The following SLCO2B1 variants were observed in gnomAD, a reference collection of about 807,000 sequenced individuals.
The protein encoded by SLCO2B1 is OATP-RP2.
Under a neutral mutation model 67.3 loss-of-function variants are expected in SLCO2B1, and 41 were observed. The observed-to-expected ratio is 0.61, with a 90% CI of 0.47 to 0.79. SLCO2B1 has a LOEUF of 0.79. Ranked by LOEUF, SLCO2B1 falls within the 30% of genes least tolerant of loss-of-function variation. The pLI is 0.00. For missense variants in SLCO2B1, 837 were observed against 920.1 expected (o/e 0.91, Z 1.17); for synonymous variants, 379 against 381.4 (o/e 0.99, Z 0.07).
rs192050675 is a variant in SLCO2B1 at position 75,204,448 on chromosome 11, C to A, written c.1998C>A (p.Phe666Leu). ...FFFKTGSVIC[F>L]ALVLAVLRQQ... ...TCAAAACAGGTTCTGTGATCTGCTT[C>A]GCCTTAGTTTTGGCTGTCCTGAGGC... Residue 666 changes from phenylalanine (F) to leucine (L), a missense_variant, in exon 14 of 14, where the codon TTC becomes TTA. Phe to Leu is a conservative substitution (Grantham distance 22, BLOSUM62 0). Coordinates refer to ENST00000289575, the MANE Select transcript of SLCO2B1 (RefSeq NM_007256.5). 6 of 1,612,724 alleles carry A rather than the reference C, an allele frequency of 3.7e-6. No homozygotes were observed. The East Asian group carries it at 1.1e-4, about 30-fold the overall frequency.
At chr11:75,183,774 T>G (rs1004981011) in intron 7 of SLCO2B1, among the ~76,000 whole-genome samples, 1 of 152,226 alleles carries the variant, frequency 6.6e-6, no homozygotes, top group African/African-American at 2.4e-5. Context: ...TCCTGCTGCC[T>G]TGGCCTCCCA....
chr11:75,153,864 G>C (rs574350494), intron 1 of SLCO2B1, among the ~76,000 whole-genome samples: 1 of 151,840 alleles, frequency 6.6e-6, no homozygotes, highest in African/African-American at 2.4e-5. Context: ...CCCTGCTTCA[G>C]TGGCCCAGAG....
chr11:75,186,931 C>T (rs2140331067), intron 7 of SLCO2B1, among the ~76,000 whole-genome samples: 1 of 152,326 alleles, frequency 6.6e-6, no homozygotes, highest in South Asian at 2.1e-4. Context: ...TGCTCAGGCT[C>T]TGGAGCCAAG....
At chr11:75,156,344 G>A (rs985723564) in intron 1 of SLCO2B1, among the ~76,000 whole-genome samples, 7 of 152,292 alleles carry the variant, frequency 4.6e-5, no homozygotes, top group Middle Eastern at 3.4e-3. Flanking sequence ...AGAGTGACCG[G>A]CAGAAATTGG....
chr11:75,202,202 A>G (rs1347839173), intron 11 of SLCO2B1: 1 of 152,224 alleles, frequency 6.6e-6, no homozygotes, highest in Non-Finnish European at 1.5e-5. Flanking sequence ...GCCTCTTGCA[A>G]ATACCAGAAG....
chr11:75,169,490 G>A (rs1359078810), intron 5 of SLCO2B1, 84 bp downstream of exon 5: 8 of 1,341,958 alleles, frequency 6.0e-6, no homozygotes, highest in Non-Finnish European at 8.2e-6. Context: ...TGGGGCTGGA[G>A]ATGGAATCCC....
At chr11:75,199,690 A>G (rs543061557) in intron 10 of SLCO2B1, 1 of 152,706 alleles carries the variant, frequency 6.5e-6, no homozygotes, top group Non-Finnish European at 1.5e-5. Context: ...GCTGGGGCAC[A>G]TGAGTCTAGA....
intron 7 of SLCO2B1, among the ~76,000 whole-genome samples, chr11:75,177,651 C>T (rs192286710): frequency 5.7e-4 from 87 of 152,272 alleles, no homozygotes; most frequent in Non-Finnish European, 8.7e-4. Context: ...TTATATGGCA[C>T]CCTCCACCTG....
chr11:75,174,635 A>G (rs994739601), intron 7 of SLCO2B1, among the ~76,000 whole-genome samples: 22 of 152,352 alleles, frequency 1.4e-4, no homozygotes, highest in African/African-American at 5.3e-4. Context: ...GTTTGGAACT[A>G]CAGATGGGCC....
chr11:75,160,250 A>G (rs915103636), intron 1 of SLCO2B1, among the ~76,000 whole-genome samples: 1 of 152,178 alleles, frequency 6.6e-6, no homozygotes, highest in Non-Finnish European at 1.5e-5. Flanking sequence ...AGACAGAGAA[A>G]AGCACTGTGC....
chr11:75,157,469 T>C (rs1029251932), intron 1 of SLCO2B1, among the ~76,000 whole-genome samples: 3 of 152,190 alleles, frequency 2.0e-5, no homozygotes, highest in African/African-American at 7.2e-5. Context: ...CCTGTATCAC[T>C]GCCTCCTAGC....
intron 6 of SLCO2B1, among the ~76,000 whole-genome samples, chr11:75,170,728 A>T (rs576886761): frequency 9.6e-4 from 145 of 151,696 alleles, no homozygotes; most frequent in Middle Eastern, 3.4e-3. Context: ...CGCCCCGCCC[A>T]CTCTCCTTCT....
intron 1 of SLCO2B1, among the ~76,000 whole-genome samples, chr11:75,160,712 C>G (rs1949808756): frequency 6.6e-6 from 1 of 152,232 alleles, no homozygotes; most frequent in Non-Finnish European, 1.5e-5. Context: ...TTATGCCCCG[C>G]AGAGGGACTC....
At chr11:75,199,251 T>C (rs1196633326) in intron 10 of SLCO2B1, among the ~76,000 whole-genome samples, 1 of 152,162 alleles carries the variant, frequency 6.6e-6, no homozygotes, top group Non-Finnish European at 1.5e-5. Flanking sequence ...ATCATGTGCA[T>C]TGGTTCTGCC....
In SLCO2B1 at chr11:75,193,218, T is replaced by C. The variant is rs764231184; in HGVS notation, c.1076T>C (p.Val359Ala). 4 of 1,605,434 alleles carry C rather than the reference T, an allele frequency of 2.5e-6. No homozygotes were observed. In the South Asian group the frequency reaches 4.4e-5, roughly 18 times the overall value. ...CTGACCTCTGCACTCGCCCCCACAG[T>C]CTTCCCCAGGGTGCTGCTGCAGACC... is the stretch of plus-strand genomic sequence containing the variant. ...PNLTVIQFIK[V>A]FPRVLLQTLR... Residue 359 changes from valine (V) to alanine (A), a missense_variant and splice_region_variant, in exon 9 of 14, where the codon GTC (valine) becomes GCC (alanine). Transcript: ENST00000289575. The surrounding 1 kb of genome is among the most constrained non-coding windows in gnomAD (Gnocchi z 4.2).
intron 7 of SLCO2B1, among the ~76,000 whole-genome samples, chr11:75,187,769 G>A (rs1429106890): frequency 6.6e-6 from 1 of 152,068 alleles, no homozygotes; most frequent in African/African-American, 2.4e-5. Flanking sequence ...ACAACGATAT[G>A]GGTGATGTGA....
At chr11:75,153,668 T>A (rs1949715899) in intron 1 of SLCO2B1, among the ~76,000 whole-genome samples, 1 of 152,226 alleles carries the variant, frequency 6.6e-6, no homozygotes, top group African/African-American at 2.4e-5. Context: ...TACACCTGCA[T>A]GTCTGTGGAG....
chr11:75,175,037 G>C (rs375647418), intron 7 of SLCO2B1, among the ~76,000 whole-genome samples: 1 of 152,190 alleles, frequency 6.6e-6, no homozygotes, highest in Admixed American at 6.5e-5. Flanking sequence ...CAGATTTTAA[G>C]AGCTGTGTCT....
intron 1 of SLCO2B1, chr11:75,159,879 C>T (rs780973355): frequency 2.5e-5 from 25 of 985,636 alleles, no homozygotes; most frequent in Non-Finnish European, 2.9e-5. Flanking sequence ...AGAGGTGAGG[C>T]TGGAGTGGGA....
Sources: gnomAD v4.1 joint callset for allele counts (sites outside exome capture counted in the v4.1 genomes callset) on GRCh38, gnomAD v4.1.1 for gene constraint, Gnocchi (gnomAD v3.1) non-coding constraint, MANE v1.5 for transcripts, NCBI Gene and HGNC (gene_info 2026-07-23, HGNC 2026-07-21) for gene names.